Variants in SNHG17 observed in about 807,000 individuals in gnomAD.
SNHG17 encodes the protein small nucleolar RNA host gene 17.
At chr20:38,430,459 A>C (rs948801870) in intron 3 of SNHG17, among the ~76,000 whole-genome samples, 2 of 151,880 alleles carry the variant, frequency 1.3e-5, no homozygotes, top group African/African-American at 4.8e-5. Flanking sequence ...ATCTCTACTA[A>C]AAATAGAAAA....
chr20:38,423,909 T>C (rs2084201144), intron 5 of SNHG17, among the ~76,000 whole-genome samples: 1 of 152,164 alleles, frequency 6.6e-6, no homozygotes, highest in Non-Finnish European at 1.5e-5. Context: ...GGCTCACGCT[T>C]GTAATCCCAG....
At chr20:38,424,320 A>G (rs2084208834) in intron 5 of SNHG17, among the ~76,000 whole-genome samples, 1 of 152,036 alleles carries the variant, frequency 6.6e-6, no homozygotes, top group Non-Finnish European at 1.5e-5. Flanking sequence ...TCTAGTGTGT[A>G]AGAGCTGCAT....
At chr20:38,435,277 T>TG (rs2084412828) in exon 1 of SNHG17, 1 of 1,231,350 alleles carries the variant, frequency 8.1e-7, no homozygotes, top group East Asian at 3.2e-5. Context: ...TTTCGAGAGA[T>TG]GGGGTGCGGT....
At chr20:38,435,104 A>G (rs968943161) in intron 1 of SNHG17, 7 of 1,232,150 alleles carry the variant, frequency 5.7e-6, no homozygotes, top group African/African-American at 4.7e-5. Context: ...TGCACCAAGG[A>G]CAGGGCCTGA....
chr20:38,423,594 AAT>A (rs2084196220), intron 5 of SNHG17, among the ~76,000 whole-genome samples: 1 of 151,564 alleles, frequency 6.6e-6, no homozygotes, highest in South Asian at 2.1e-4. Flanking sequence ...TAGAGAATAA[AAT>A]GGTAATTACC....
At chr20:38,425,019 G>GC (rs2084222871) in intron 5 of SNHG17, 2 of 316,172 alleles carry the variant, frequency 6.3e-6, no homozygotes, top group Non-Finnish European at 6.4e-6. Flanking sequence ...CCCCCATCCA[G>GC]CCCCCCACCA....
intron 2 of SNHG17, chr20:38,431,921 G>A: frequency 1.3e-6 from 1 of 792,800 alleles, no homozygotes; most frequent in South Asian, 5.7e-5. Context: ...CTACTTCCCA[G>A]ACATCACGCC....
chr20:38,431,439 A>G (rs1275344481), intron 2 of SNHG17, among the ~76,000 whole-genome samples: 1 of 152,218 alleles, frequency 6.6e-6, no homozygotes, highest in Non-Finnish European at 1.5e-5. Context: ...TTGGAGACCA[A>G]CGTCAGAAGC....
chr20:38,434,975 G>A, intron 1 of SNHG17: 1 of 1,229,364 alleles, frequency 8.1e-7, no homozygotes, highest in Non-Finnish European at 1.0e-6. Flanking sequence ...CAGGGGGTCT[G>A]ACGACCGCAC....
chr20:38,426,936 C>A (rs1403251144), intron 3 of SNHG17, among the ~76,000 whole-genome samples: 1 of 149,020 alleles, frequency 6.7e-6, no homozygotes, highest in African/African-American at 2.5e-5. Context: ...CCCCCTATTC[C>A]AGGCCAATGA....
At chr20:38,427,259 G>GC (rs1197507234) in intron 3 of SNHG17, 1 of 433,458 alleles carries the variant, frequency 2.3e-6, no homozygotes, top group East Asian at 6.1e-5. Flanking sequence ...TCATGTGGCA[G>GC]CCAAGCAAGC....
intron 1 of SNHG17, chr20:38,434,971 G>A (rs1177145827): frequency 3.3e-6 from 4 of 1,229,090 alleles, no homozygotes; most frequent in Non-Finnish European, 4.1e-6. Flanking sequence ...CGGACAGGGG[G>A]TCTGACGACC....
At chr20:38,432,700 C>CT (rs913524008) in intron 2 of SNHG17, among the ~76,000 whole-genome samples, 4 of 152,206 alleles carry the variant, frequency 2.6e-5, no homozygotes, top group Non-Finnish European at 4.4e-5. Flanking sequence ...CAACTGAAGT[C>CT]TTTTTTGTTG....
At chr20:38,424,315 T>C (rs1019890795) in intron 5 of SNHG17, among the ~76,000 whole-genome samples, 1 of 151,962 alleles carries the variant, frequency 6.6e-6, no homozygotes, top group African/African-American at 2.4e-5. Flanking sequence ...TACCATCTAG[T>C]GTGTAAGAGC....
chr20:38,425,213 G>C (rs1419271009), intron 5 of SNHG17: 1 of 519,168 alleles, frequency 1.9e-6, no homozygotes, highest in Non-Finnish European at 3.8e-6. Flanking sequence ...GAAAGCTCCA[G>C]AGTTTGGAAG....
Position 38,422,075 on chromosome 20 carries a change from C to T in SNHG17, n.734+12G>A, listed in dbSNP as rs973530939. Reference sequence around the variant, plus strand: ...GCTCAAGGGAGGAGGACGGTTCCCCCGGGGAGCTCACTTTACCCACGCAGA... The same window carrying T: ...GCTCAAGGGAGGAGGACGGTTCCCCTGGGGAGCTCACTTTACCCACGCAGA... On this transcript the variant is annotated intron_variant and non_coding_transcript_variant, in intron 6 of 8. Transcript: ENST00000654008. The T allele has an allele frequency of 3.9e-5, 6 of 152,410 alleles. No individual in the cohort carries two copies. The East Asian group carries it at 5.8e-4, about 15-fold the overall frequency. The allele number at this position is 152,410 out of a possible 1,614,324, so 9.4% of individuals were successfully genotyped here. A position where few individuals can be genotyped will look rare whatever the true frequency, so the allele number is the denominator to read the frequency against.
At chr20:38,434,892 G>A in intron 1 of SNHG17, 1 of 1,216,874 alleles carries the variant, frequency 8.2e-7, no homozygotes, top group Non-Finnish European at 1.0e-6. Flanking sequence ...TCGGGGGCGG[G>A]CAGCTAAAGT....
intron 2 of SNHG17, among the ~76,000 whole-genome samples, chr20:38,434,194 CCACCAGT>C (rs2084390385): frequency 6.6e-6 from 1 of 151,968 alleles, no homozygotes; most frequent in Non-Finnish European, 1.5e-5. Flanking sequence ...TACATTCAGC[CCACCAGT>C]TCTGAGTATC....
intron 2 of SNHG17, chr20:38,434,087 A>G (rs1366719231): frequency 4.2e-6 from 2 of 472,994 alleles, no homozygotes; most frequent in Non-Finnish European, 8.5e-6. Flanking sequence ...AAGGGTACCC[A>G]GGACCCTGAG....
Sources: allele counts gnomAD v4.1 joint callset (sites outside exome capture counted in the v4.1 genomes callset), GRCh38; gene constraint gnomAD v4.1.1; transcripts MANE v1.5; gene names NCBI Gene and HGNC (gene_info 2026-07-23, HGNC 2026-07-21).